Variants in CCSER1 observed in about 807,000 individuals in gnomAD.
CCSER1 encodes the protein serine-rich coiled-coil domain-containing protein 1.
Under a neutral mutation model 82.0 loss-of-function variants are expected in CCSER1, and 41 were observed. The ratio of observed to expected loss-of-function variants is 0.50; its 90% CI spans 0.39 to 0.65. CCSER1 has a LOEUF of 0.65. CCSER1 is among the 30% of genes least tolerant of loss of function. The probability of loss-of-function intolerance (pLI) is 0.00; values close to 1 mark genes in which losing one functional copy is unlikely to be tolerated. For missense variants in CCSER1, 1,119 were observed against 1,064.2 expected (o/e 1.05, Z -0.72); for synonymous variants, 414 against 383.9 (o/e 1.08, Z -0.92).
chr4:90,229,079 T>A (rs1479628313), intron 1 of CCSER1, among the ~76,000 whole-genome samples: 8 of 152,180 alleles, frequency 5.3e-5, no homozygotes, highest in African/African-American at 1.2e-4. Flanking sequence ...TTCCCCAATC[T>A]AGCAAGGCAG....
At chr4:90,337,060 A>G (rs1740534052) in intron 3 of CCSER1, among the ~76,000 whole-genome samples, 2 of 152,200 alleles carry the variant, frequency 1.3e-5, no homozygotes, top group African/African-American at 4.8e-5. Flanking sequence ...AGAATCAATA[A>G]GGCCTGAATA....
intron 4 of CCSER1, among the ~76,000 whole-genome samples, chr4:90,455,758 A>G (rs1376537894): frequency 6.6e-6 from 1 of 152,070 alleles, no homozygotes; most frequent in Non-Finnish European, 1.5e-5. Context: ...TGCTTTTGGT[A>G]ACCTTTAAAT....
chr4:90,867,375 G>T (rs754355037), intron 8 of CCSER1, among the ~76,000 whole-genome samples: 1 of 152,038 alleles, frequency 6.6e-6, no homozygotes, highest in Non-Finnish European at 1.5e-5. Flanking sequence ...CAATTTAATA[G>T]AGAAACATGC....
At chr4:90,409,315 A>G (rs1754288119) in intron 4 of CCSER1, among the ~76,000 whole-genome samples, 1 of 152,158 alleles carries the variant, frequency 6.6e-6, no homozygotes, top group African/African-American at 2.4e-5. Context: ...AGCAACTCCA[A>G]GAAACATAAT....
chr4:91,343,076 T>C (rs1747822994), intron 10 of CCSER1, among the ~76,000 whole-genome samples: 1 of 152,086 alleles, frequency 6.6e-6, no homozygotes, highest in Admixed American at 6.6e-5. Context: ...ACATTATAAA[T>C]ACATGTTACA....
intron 10 of CCSER1, among the ~76,000 whole-genome samples, chr4:91,560,522 G>A (rs1762605523): frequency 6.6e-6 from 1 of 151,276 alleles, no homozygotes; most frequent in Non-Finnish European, 1.5e-5. Flanking sequence ...TAGCTGGCAG[G>A]CTATTAATTT....
intron 1 of CCSER1, among the ~76,000 whole-genome samples, chr4:90,215,057 C>T (rs569186479): frequency 1.3e-5 from 2 of 152,194 alleles, no homozygotes; most frequent in Admixed American, 1.3e-4. Flanking sequence ...TGAATTAATG[C>T]TTTGAGTGCT....
Position 90,424,530 on chromosome 4 carries a change from A to G in CCSER1, c.1603+24401A>G, listed in dbSNP as rs916709294. 4.6e-5 allele frequency among the ~76,000 whole-genome samples: 7 copies of G among 152,206 alleles called. No homozygotes were observed. In the East Asian group the frequency reaches 9.6e-4, roughly 21 times the overall value. On this transcript the variant is annotated intron_variant, in intron 4 of 10. Coordinates refer to ENST00000509176, the MANE Select transcript of CCSER1 (RefSeq NM_001145065.2). ...GTTTTATGCCTATAGATGCATTTAT[A>G]TATGTAGATTTTGTCCAATCCCTAC...
At chr4:90,657,414 A>T (rs1729896221) in intron 6 of CCSER1, among the ~76,000 whole-genome samples, 1 of 152,108 alleles carries the variant, frequency 6.6e-6, no homozygotes. Flanking sequence ...TGTTATTTAC[A>T]TCTGTGGCTA....
At chr4:91,443,869 C>G (rs1185706033) in intron 10 of CCSER1, among the ~76,000 whole-genome samples, 2 of 150,962 alleles carry the variant, frequency 1.3e-5, no homozygotes, top group Non-Finnish European at 3.0e-5. Flanking sequence ...TTTATTTGTC[C>G]AAATACTTGA....
At chr4:91,470,064 C>A (rs1349032525) in intron 10 of CCSER1, among the ~76,000 whole-genome samples, 3 of 152,182 alleles carry the variant, frequency 2.0e-5, no homozygotes, top group Non-Finnish European at 2.9e-5. Context: ...ACTGTTAAAT[C>A]TGTAGATGCA....
chr4:90,914,813 T>TA (rs1368259147), intron 8 of CCSER1, among the ~76,000 whole-genome samples: 1 of 147,332 alleles, frequency 6.8e-6, no homozygotes, highest in Non-Finnish European at 1.5e-5. Flanking sequence ...ATAGATGCAA[T>TA]AAAAAATGAC....
intron 10 of CCSER1, among the ~76,000 whole-genome samples, chr4:91,441,942 C>T (rs939180496): frequency 6.6e-6 from 1 of 152,086 alleles, no homozygotes; most frequent in Admixed American, 6.5e-5. Context: ...TCAAGGAGAA[C>T]TACAAACCAC....
intron 9 of CCSER1, among the ~76,000 whole-genome samples, chr4:91,007,281 A>G (rs1221515413): frequency 6.6e-6 from 1 of 152,144 alleles, no homozygotes; most frequent in Non-Finnish European, 1.5e-5. Flanking sequence ...CTGATTTTGG[A>G]ATCAAAGTAA....
At chr4:90,906,516 A>G (rs948071519) in intron 8 of CCSER1, among the ~76,000 whole-genome samples, 2 of 152,102 alleles carry the variant, frequency 1.3e-5, no homozygotes, top group African/African-American at 4.8e-5. Context: ...GTGTCACTTC[A>G]CGGTTTACTA....
intron 3 of CCSER1, among the ~76,000 whole-genome samples, chr4:90,314,389 A>G (rs1735801947): frequency 6.6e-6 from 1 of 152,196 alleles, no homozygotes; most frequent in South Asian, 2.1e-4. Context: ...CTAATGAAGT[A>G]TTACAAAACA....
At chr4:91,147,127 A>G (rs1729616875) in intron 10 of CCSER1, among the ~76,000 whole-genome samples, 1 of 152,194 alleles carries the variant, frequency 6.6e-6, no homozygotes, top group African/African-American at 2.4e-5. Flanking sequence ...GCTTGGCAGA[A>G]TCAGTGAGTT....
intron 10 of CCSER1, among the ~76,000 whole-genome samples, chr4:91,521,332 A>G (rs180845197): frequency 3.9e-5 from 6 of 152,340 alleles, no homozygotes; most frequent in Admixed American, 2.0e-4. Context: ...TAGTGCCGCA[A>G]TAAACATGCA....
chr4:90,439,405 T>A (rs1578471552), intron 4 of CCSER1, among the ~76,000 whole-genome samples: 1 of 152,352 alleles, frequency 6.6e-6, no homozygotes, highest in Middle Eastern at 3.4e-3. Flanking sequence ...TTATAAACTT[T>A]GAAAGAATAT....
Sources: allele counts gnomAD v4.1 joint callset (sites outside exome capture counted in the v4.1 genomes callset), GRCh38; gene constraint gnomAD v4.1.1; transcripts MANE v1.5; gene names NCBI Gene and HGNC (gene_info 2026-07-23, HGNC 2026-07-21).